Variants in NMD3 observed in about 807,000 individuals in gnomAD.
NMD3 encodes 60S ribosomal export protein NMD3.
In NMD3, 47 loss-of-function variants were observed where a neutral mutation model predicts 73.1. The observed-to-expected ratio is 0.64, with a 90% CI of 0.51 to 0.82. The LOEUF is 0.82. Among genes scored for constraint, NMD3 ranks in the 40% least tolerant of loss-of-function variants. The pLI is 0.00. For missense variants in NMD3, 554 were observed against 612.5 expected (o/e 0.90, Z 1.01); for synonymous variants, 210 against 194.5 (o/e 1.08, Z -0.66).
At chr3:161,238,026 A>G in intron 7 of NMD3, 87 bp from the exon 8 acceptor site, 1 of 862,348 alleles carries the variant, frequency 1.2e-6, no homozygotes, top group Non-Finnish European at 1.8e-6. Context: ...TGTTTAAAAC[A>G]GATGTAATTT....
At chr3:161,224,882 T>C (rs774481371) in intron 2 of NMD3, 48 bp from the exon 3 acceptor site, 1 of 1,525,660 alleles carries the variant, frequency 6.6e-7, no homozygotes, top group Non-Finnish European at 8.8e-7. Context: ...AAAAATTTAG[T>C]GTATTTTAAA....
intron 2 of NMD3, among the ~76,000 whole-genome samples, chr3:161,222,382 G>C (rs1736141321): frequency 1.3e-5 from 2 of 151,434 alleles, no homozygotes; most frequent in African/African-American, 4.9e-5. Context: ...ATCTCGCTCT[G>C]TTGCCCAGGC....
chr3:161,226,549 C>T (rs961776971), intron 3 of NMD3, among the ~76,000 whole-genome samples: 1 of 152,062 alleles, frequency 6.6e-6, no homozygotes, highest in African/African-American at 2.4e-5. Context: ...AAAGTCAAAA[C>T]TTTCTGTTAT....
At chr3:161,237,292 T>A (rs1736793538) in intron 7 of NMD3, among the ~76,000 whole-genome samples, 1 of 152,162 alleles carries the variant, frequency 6.6e-6, no homozygotes, top group South Asian at 2.1e-4. Context: ...AGAACTGTGT[T>A]CTATAATCTC....
At chr3:161,232,026 G>A (rs1736562350) in intron 4 of NMD3, among the ~76,000 whole-genome samples, 1 of 152,056 alleles carries the variant, frequency 6.6e-6, no homozygotes, top group Non-Finnish European at 1.5e-5. Context: ...GACACATAGT[G>A]CAGTGGTTGT....
At chr3:161,225,888 A>G (rs1736295158) in intron 3 of NMD3, among the ~76,000 whole-genome samples, 1 of 152,106 alleles carries the variant, frequency 6.6e-6, no homozygotes, top group Admixed American at 6.5e-5. Context: ...ACATATATAT[A>G]CACAAACACA....
At chr3:161,236,105 G>A (rs1227957825) in intron 7 of NMD3, among the ~76,000 whole-genome samples, 1 of 151,788 alleles carries the variant, frequency 6.6e-6, no homozygotes, top group African/African-American at 2.4e-5. Flanking sequence ...TTTCTTCTGA[G>A]TACTATAATG....
Position 161,241,037 on chromosome 3 carries a change from T to G in NMD3, c.754-9T>G. 1 of 1,562,576 alleles carries G rather than the reference T, an allele frequency of 6.4e-7. No homozygotes were observed. Among genetic ancestry groups the G allele is most frequent in the South Asian group, 1.1e-5 (1 of 89,882 alleles). On this transcript the variant is annotated splice_polypyrimidine_tract_variant and intron_variant, in intron 9 of 15. Coordinates refer to ENST00000351193, the MANE Select transcript of NMD3 (RefSeq NM_015938.5). Reference sequence around the variant, plus strand: ...ATGCCTCATTCTAAATGTTAGTTCTTATGCCTAGGATAATGTTGTCTGTCT... The same window carrying G: ...ATGCCTCATTCTAAATGTTAGTTCTGATGCCTAGGATAATGTTGTCTGTCT...
chr3:161,252,836 C>G (rs774177984), downstream of NMD3: 1 of 694,072 alleles, frequency 1.4e-6, no homozygotes, highest in African/African-American at 1.8e-5. Context: ...TGGTGGTTGA[C>G]GCCTGTAATC....
intron 4 of NMD3, among the ~76,000 whole-genome samples, chr3:161,230,730 G>A (rs1736504900): frequency 6.6e-6 from 1 of 152,232 alleles, no homozygotes; most frequent in African/African-American, 2.4e-5. Flanking sequence ...GCATTCTGGA[G>A]GTTGATCTTG....
Position 161,249,637 on chromosome 3 carries a change from A to G in NMD3, c.1310+77A>G, listed in dbSNP as rs184808759. 99 of 894,838 alleles carry G rather than the reference A, an allele frequency of 1.1e-4. No individual in the cohort carries two copies. The African/African-American group carries it at 1.5e-3, about 14-fold the overall frequency. The allele number at this position is 894,838 out of a possible 1,614,324, so 55.4% of individuals were successfully genotyped here. ...TAAATACTTTTTATGTTGTAAAGAAATAGGCATCACACAATTGATCCTTGC... is the reference window on the plus strand; with the variant it reads ...TAAATACTTTTTATGTTGTAAAGAAGTAGGCATCACACAATTGATCCTTGC... On this transcript the variant is annotated intron_variant, in intron 14 of 15. Coordinates refer to ENST00000351193, the MANE Select transcript of NMD3 (RefSeq NM_015938.5).
intron 4 of NMD3, among the ~76,000 whole-genome samples, chr3:161,227,742 G>A (rs942279051): frequency 1.3e-5 from 2 of 151,876 alleles, no homozygotes; most frequent in African/African-American, 2.4e-5. Flanking sequence ...CCACCATGCT[G>A]GCCTCGAAAG....
Position 161,238,713 on chromosome 3 carries a change from A to G in NMD3, c.657-17A>G, listed in dbSNP as rs765464354. 8 of 1,203,690 alleles carry G rather than the reference A, an allele frequency of 6.6e-6. No individual in the cohort carries two copies. The highest frequency in any genetic ancestry group is 1.7e-5 in the Admixed American group (1 of 58,306). 74.6% of individuals were successfully genotyped at this position (1,203,690 alleles called of 1,614,324 possible). ...TGATCTTTGTCTTTATATTACTACT[A>G]ACTTTTTTCTTAATAGATACAAAGC... On this transcript the variant is annotated splice_polypyrimidine_tract_variant and intron_variant, in intron 8 of 15. Transcript: ENST00000351193.
At position 161,234,714 on chromosome 3, in the gene NMD3, ATTGTT is replaced by A. The variant is rs1404355668; in HGVS notation, c.358-10_358-6del. Reference sequence around the variant, plus strand: ...AAAACCAAAAGAATGAAGGAGTGTAATTGTTTTATCAGGTGATGAATGGTGCTATC... The same window carrying A: ...AAAACCAAAAGAATGAAGGAGTGTAATTATCAGGTGATGAATGGTGCTATC... On this transcript the variant is annotated splice_region_variant and splice_polypyrimidine_tract_variant and intron_variant, in intron 5 of 15. Coordinates refer to ENST00000351193, the MANE Select transcript of NMD3 (RefSeq NM_015938.5). The A allele has an allele frequency of 1.9e-6, 3 of 1,596,122 alleles. No homozygotes were observed. The highest frequency in any genetic ancestry group is 1.3e-5 in the African/African-American group (1 of 74,612).
intron 2 of NMD3, chr3:161,222,880 C>T (rs1736166961): frequency 1.3e-5 from 2 of 152,118 alleles, no homozygotes; most frequent in African/African-American, 4.8e-5. Context: ...GAAATTTGGC[C>T]CCCTTCCCTG....
chr3:161,240,769 A>G (rs945727633), intron 9 of NMD3, among the ~76,000 whole-genome samples: 1 of 151,856 alleles, frequency 6.6e-6, no homozygotes, highest in African/African-American at 2.4e-5. Flanking sequence ...CCTGGGCTCA[A>G]GGGATTCTCC....
rs137890023 is a variant in NMD3 at position 161,237,537 on chromosome 3, T to C, written c.578-576T>C. Among the ~76,000 whole-genome samples the C allele has an allele frequency of 6.4e-3, 844 of 132,302 alleles. 4 individuals carry two copies. Among genetic ancestry groups the C allele is most frequent in the Non-Finnish European group, 0.011 (694 of 64,982 alleles). The allele number at this position is 132,302 out of a possible 152,430, so 86.8% of individuals were successfully genotyped here. A position where few individuals can be genotyped will look rare whatever the true frequency, so the allele number is the denominator to read the frequency against. ...TTCCATTTATTACATAAAATAACTT[T>C]CTTTTTTTTTTTTTTTTTTTGACAT... On this transcript the variant is annotated intron_variant, in intron 7 of 15. Transcript: ENST00000351193.
At chr3:161,248,083 G>A (rs920983026) in intron 13 of NMD3, among the ~76,000 whole-genome samples, 1 of 151,916 alleles carries the variant, frequency 6.6e-6, no homozygotes, top group Non-Finnish European at 1.5e-5. Context: ...ATCATGCCTG[G>A]CTTCATTTTA....
chr3:161,249,462 C>T lies in NMD3; in HGVS notation c.1212C>T (p.Ile404=). 3 of 1,597,436 alleles carry T rather than the reference C, an allele frequency of 1.9e-6. No individual in the cohort carries two copies. The highest frequency in any genetic ancestry group is 1.7e-6 in the Non-Finnish European group (2 of 1,171,858). ...AAATATTTATCTTGCAGGTATTAAT[C>T]AAGAAGAGCTATGACCGGACCAAAC... ...NSDRVPDVVL[I]KKSYDRTKRQ... Residue 404 remains isoleucine (I), a synonymous_variant, in exon 14 of 16, where the codon ATC becomes ATT. Coordinates refer to ENST00000351193, the MANE Select transcript of NMD3 (RefSeq NM_015938.5).
Sources: allele counts gnomAD v4.1 joint callset (sites outside exome capture counted in the v4.1 genomes callset), GRCh38; gene constraint gnomAD v4.1.1; transcripts MANE v1.5; gene names NCBI Gene and HGNC (gene_info 2026-07-23, HGNC 2026-07-21).